TRPC7: variants seen among roughly 807,000 people sequenced by gnomAD.
TRPC7 encodes the protein short transient receptor potential channel 7.
A neutral mutation model predicts 90.1 loss-of-function variants in TRPC7; 42 were observed. The observed-to-expected ratio is 0.47, with a 90% confidence interval of 0.36 to 0.60. The LOEUF is 0.60. Among genes scored for constraint, TRPC7 ranks in the 20% least tolerant of loss-of-function variants. The pLI is 0.00. For synonymous variants in TRPC7, 451 were observed against 436.3 expected, an observed-to-expected ratio of 1.03 and a Z score of -0.42; for missense variants, 955 against 1,112.3, an observed-to-expected ratio of 0.86 and a Z score of 2.01.
In TRPC7 at chr5:136,332,610, G is replaced by A. The variant is rs868160886; in HGVS notation, c.781-16831C>T. 1.7e-4 allele frequency among the ~76,000 whole-genome samples: 26 copies of A among 152,272 alleles called. No homozygotes were observed. The Middle Eastern group carries it at 0.014, about 80-fold the overall frequency. On this transcript the variant is annotated intron_variant, in intron 2 of 11. Transcript: ENST00000513104. ...AGAGGAGGAGTATAAAATTCTGAAT[G>A]TCTTTGAAAGATAGAACCAAGAGGA...
intron 3 of TRPC7, among the ~76,000 whole-genome samples, chr5:136,313,409 A>ATCTC (rs1297765332): frequency 1.3e-5 from 2 of 151,930 alleles, no homozygotes; most frequent in Non-Finnish European, 2.9e-5. Context: ...CTATCTATCT[A>ATCTC]TCTATCTATC....
intron 2 of TRPC7, among the ~76,000 whole-genome samples, chr5:136,336,999 C>T (rs1759686637): frequency 2.6e-5 from 4 of 152,300 alleles, no homozygotes; most frequent in Admixed American, 1.3e-4. Flanking sequence ...ATGCCATTTC[C>T]TTCCACCTTT....
At chr5:136,292,144 T>C (rs1373000185) in intron 3 of TRPC7, among the ~76,000 whole-genome samples, 2 of 152,284 alleles carry the variant, frequency 1.3e-5, no homozygotes, top group African/African-American at 4.8e-5. Flanking sequence ...TTCAAAGCAG[T>C]GTGTAGAGGG....
rs74569373 is a variant in TRPC7 at position 136,244,434 on chromosome 5, G to C, written c.1844+3037C>G. ...TAGAGGAGGGAAGAGAGGGATTGCA[G>C]AGAATACTCTGGGCAGTAGGAACAG... On this transcript the variant is annotated intron_variant, in intron 7 of 11. Coordinates refer to ENST00000513104, the MANE Select transcript of TRPC7 (RefSeq NM_020389.3). Among the ~76,000 whole-genome samples the C allele has an allele frequency of 7.0e-3, 1,061 of 152,342 alleles. 11 individuals carry two copies. The highest frequency in any genetic ancestry group is 0.018 in the African/African-American group (730 of 41,568).
rs1174101269 is a variant in TRPC7, at chr5:136,356,743, C to T, written c.645G>A (p.Ser215=). ...CTTTGTAGGCGTTCATGCGCGAGCG[C>T]GAGTGGCTGAAGGAGTCTTTCCGCT... is the stretch of plus-strand genomic sequence containing the variant. ...EKQRKDSFSH[S]RSRMNAYKGL... Residue 215 remains serine (S), a synonymous_variant, in exon 2 of 12, where the codon TCG becomes TCA. Coordinates refer to ENST00000513104, the MANE Select transcript of TRPC7 (RefSeq NM_020389.3). 6.2e-7 allele frequency: 1 copy of T among 1,612,384 alleles called. No individual in the cohort carries two copies. Among genetic ancestry groups the T allele is most frequent in the Admixed American group, 1.7e-5 (1 of 59,856 alleles).
chr5:136,357,424 G>A (rs763918182), intron 1 of TRPC7, 39 bp from the exon 2 acceptor site: 13 of 1,545,054 alleles, frequency 8.4e-6, no homozygotes, highest in African/African-American at 5.4e-5. Context: ...ACTTTCCTGC[G>A]GATTCCCTAG....
intron 2 of TRPC7, among the ~76,000 whole-genome samples, chr5:136,351,939 G>A (rs1268291604): frequency 6.6e-6 from 1 of 152,174 alleles, no homozygotes; most frequent in East Asian, 1.9e-4. Flanking sequence ...ACTTTAAGTA[G>A]GATAAAGTTA....
chr5:136,221,023 T>C (rs529566010), intron 10 of TRPC7, among the ~76,000 whole-genome samples: 46 of 151,904 alleles, frequency 3.0e-4, no homozygotes, highest in African/African-American at 1.1e-3. Flanking sequence ...AAAATAGATA[T>C]AGATATAGAA....
In TRPC7 at chr5:136,315,597, C is replaced by A; in HGVS notation, c.963G>T (p.Lys321Asn). The A allele has an allele frequency of 6.2e-7, 1 of 1,613,524 alleles. No homozygotes were observed. The highest frequency in any genetic ancestry group is 8.5e-7 in the Non-Finnish European group (1 of 1,179,668). Residue 321 changes from lysine to asparagine, a missense_variant and splice_region_variant, in exon 3 of 12, where the codon AAG becomes AAT. Transcript: ENST00000513104. ...GACCAGGAGAGATGGGGGAGCTTAC[C>A]TTCTTGACTTCATATTTAATGGCGA... ...IKLAIKYEVKKFVAHPNCQQQ... is the reference protein window; with the variant it reads ...IKLAIKYEVKNFVAHPNCQQQ...
chr5:136,361,698 A>G (rs1001927249), intron 1 of TRPC7, among the ~76,000 whole-genome samples: 2 of 152,200 alleles, frequency 1.3e-5, no homozygotes, highest in African/African-American at 4.8e-5. Flanking sequence ...AAATCAATTC[A>G]GCCTGTAATA....
At chr5:136,362,844 C>A (rs867100832) in intron 1 of TRPC7, among the ~76,000 whole-genome samples, 2 of 152,084 alleles carry the variant, frequency 1.3e-5, no homozygotes, top group African/African-American at 2.4e-5. Flanking sequence ...AGGGAATACT[C>A]GTGTATATGG....
At chr5:136,341,352 T>C (rs1347814015) in intron 2 of TRPC7, among the ~76,000 whole-genome samples, 1 of 152,094 alleles carries the variant, frequency 6.6e-6, no homozygotes, top group African/African-American at 2.4e-5. Flanking sequence ...CAGATTTTAT[T>C]ATTAATTAAA....
rs145503628 is a variant in TRPC7 at position 136,252,352 on chromosome 5, TTTTTG to T, written c.1346-475_1346-471del. On this transcript the variant is annotated intron_variant, in intron 5 of 11. Transcript: ENST00000513104. Reference sequence around the variant, plus strand: ...GTTTTTTTTGGACATAGAACCCAGTTTTTTGTTTTGTTTTGTTTTGTTTTTAAATC... The same window carrying T: ...GTTTTTTTTGGACATAGAACCCAGTTTTTTGTTTTGTTTTGTTTTTAAATC... Among the ~76,000 whole-genome samples, 1,219 of 152,194 alleles carry T rather than the reference TTTTTG, an allele frequency of 8.0e-3. 15 individuals are homozygous for T. Among genetic ancestry groups the T allele is most frequent in the African/African-American group, 0.021 (856 of 41,512 alleles).
At chr5:136,358,477 A>G (rs1438016258) in intron 1 of TRPC7, among the ~76,000 whole-genome samples, 1 of 152,228 alleles carries the variant, frequency 6.6e-6, no homozygotes, top group African/African-American at 2.4e-5. Context: ...AGATGAAGAT[A>G]CTAAGAGTAG....
At chr5:136,275,933 T>C (rs1580890001) in intron 3 of TRPC7, among the ~76,000 whole-genome samples, 2 of 152,322 alleles carry the variant, frequency 1.3e-5, no homozygotes, top group East Asian at 3.9e-4. Flanking sequence ...GAGCTAGTGT[T>C]TGACCTCTTT....
At position 136,315,701 on chromosome 5, in the gene TRPC7, C is replaced by T; in HGVS notation, c.859G>A (p.Val287Met). ...VLDLCRDTEE[V>M]EAILNGDVNF... ...ACATCACCGTTTAAAATTGCTTCCA[C>T]CTCTTCTGTGTCTCGGCACAGGTCC... Residue 287 changes from valine to methionine, a missense_variant, in exon 3 of 12, where the codon GTG (valine) becomes ATG (methionine). By Grantham distance (21) the Val-to-Met change is conservative (BLOSUM62 1). Around this residue, in one of 4 missense-constraint regions of TRPC7, gnomAD observed 484 missense variants for 509.6 expected, o/e 0.95. Transcript: ENST00000513104. 1 of 1,614,074 alleles carries T rather than the reference C, an allele frequency of 6.2e-7. No homozygotes were observed. The highest frequency in any genetic ancestry group is 8.5e-7 in the Non-Finnish European group (1 of 1,179,954).
chr5:136,293,685 G>T (rs1446116940), intron 3 of TRPC7, among the ~76,000 whole-genome samples: 1 of 152,172 alleles, frequency 6.6e-6, no homozygotes, highest in Non-Finnish European at 1.5e-5. Flanking sequence ...TGGGTAGGAA[G>T]AATCAATATT....
intron 2 of TRPC7, among the ~76,000 whole-genome samples, chr5:136,335,217 T>G (rs996399875): frequency 6.6e-6 from 1 of 152,070 alleles, no homozygotes; most frequent in Non-Finnish European, 1.5e-5. Flanking sequence ...AACCTCAAAC[T>G]GTATTCTAAC....
chr5:136,282,589 G>A (rs1217302488), intron 3 of TRPC7, among the ~76,000 whole-genome samples: 1 of 152,062 alleles, frequency 6.6e-6, no homozygotes. Context: ...CTCAAAATAT[G>A]CTCAAGATTT....
Sources: gnomAD v4.1 joint callset for allele counts (sites outside exome capture counted in the v4.1 genomes callset) on GRCh38, gnomAD v4.1.1 for gene constraint, gnomAD v4.1.1 regional missense constraint, MANE v1.5 for transcripts, NCBI Gene and HGNC (gene_info 2026-07-23, HGNC 2026-07-21) for gene names.